The following PLCG2 variants were observed in gnomAD, a reference collection of about 807,000 sequenced individuals.
PLCG2 encodes phospholipase C gamma 2, also known as 1-phosphatidylinositol 4,5-bisphosphate phosphodiesterase gamma-2.
A neutral mutation model predicts 175.6 loss-of-function variants in PLCG2; 69 were observed. The observed-to-expected ratio is 0.39, with a 90% CI of 0.32 to 0.48. PLCG2 has a LOEUF of 0.48. PLCG2 is among the 20% of genes least tolerant of loss of function. The pLI, the probability that PLCG2 is intolerant of heterozygous loss-of-function variation, is 0.91. For missense variants in PLCG2, 1,798 were observed against 1,650.9 expected (o/e 1.09, Z -1.54); for synonymous variants, 827 against 624.0 (o/e 1.33, Z -4.85).
At position 81,959,615 on chromosome 16, in the gene PLCG2, G is replaced by A. The variant is rs1190658524; in HGVS notation, c.*1617G>A. On this transcript the variant is annotated 3_prime_UTR_variant, in exon 33 of 33. Coordinates refer to ENST00000564138, the MANE Select transcript of PLCG2 (RefSeq NM_002661.5). Reference sequence around the variant, plus strand: ...ACTCCAGTTACTCCTCCAACTGGGAGCTGCTATTTTATTTGGCAGTCAGCA... The same window carrying A: ...ACTCCAGTTACTCCTCCAACTGGGAACTGCTATTTTATTTGGCAGTCAGCA... 5.2e-6 allele frequency: 1 copy of A among 193,614 alleles called. No homozygotes were observed. The highest frequency in any genetic ancestry group is 2.3e-5 in the African/African-American group (1 of 43,116). The allele number at this position is 193,614 out of a possible 1,614,324, so 12.0% of individuals were successfully genotyped here. A position where few individuals can be genotyped will look rare whatever the true frequency, so the allele number is the denominator to read the frequency against.
chr16:81,874,952 T>TTTTGTTTTTTTGTTC (rs770607491), intron 7 of PLCG2, among the ~76,000 whole-genome samples: 1,820 of 111,912 alleles, frequency 0.016, 176 homozygotes, highest in African/African-American at 0.043. Flanking sequence ...CTATGTGTTT[T>TTTTGTTTTTTTGTTC]TTTTTTTTTT....
chr16:81,883,979 G>T (rs577818094), intron 9 of PLCG2, among the ~76,000 whole-genome samples: 1 of 152,218 alleles, frequency 6.6e-6, no homozygotes, highest in Admixed American at 6.5e-5. Flanking sequence ...GGCTGCTGCC[G>T]GCATCTAGCA....
chr16:81,754,541 G>C (rs1486659975), intron 1 of PLCG2, among the ~76,000 whole-genome samples: 1 of 142,506 alleles, frequency 7.0e-6, no homozygotes, highest in Non-Finnish European at 1.5e-5. Flanking sequence ...GTACCAAGCT[G>C]GGTGGTGATC....
intron 2 of PLCG2, among the ~76,000 whole-genome samples, chr16:81,774,004 A>G (rs1910342187): frequency 6.6e-6 from 1 of 151,800 alleles, no homozygotes. Flanking sequence ...TGAATAAATG[A>G]GCTCCACCAG....
chr16:81,937,519 A>C, intron 27 of PLCG2: 1 of 402,982 alleles, frequency 2.5e-6, no homozygotes, highest in Non-Finnish European at 4.4e-6. Flanking sequence ...ACTTTTAGCA[A>C]GTTTGAATCT....
chr16:81,938,768 G>T (rs1469948321), intron 28 of PLCG2, 33 bp from the exon 29 acceptor site: 2 of 1,368,930 alleles, frequency 1.5e-6, no homozygotes, highest in Non-Finnish European at 2.1e-6. Flanking sequence ...CAGGACCCCA[G>T]GGGGGTTCCA....
chr16:81,767,032 C>T (rs1229099239), intron 2 of PLCG2: 2 of 151,980 alleles, frequency 1.3e-5, no homozygotes, highest in Non-Finnish European at 2.9e-5. Flanking sequence ...CCTTGCTAGT[C>T]ACTCGTGCAC....
intron 2 of PLCG2, chr16:81,842,685 G>C: frequency 6.6e-6 from 1 of 152,410 alleles, no homozygotes; most frequent in Admixed American, 6.6e-5. Context: ...GTGGGAGGAC[G>C]TTCCGTGGGT....
Position 81,923,722 on chromosome 16 carries a change from TA to T in PLCG2, c.2417+130del, listed in dbSNP as rs1187942620. On this transcript the variant is annotated intron_variant, in intron 22 of 32. Coordinates refer to ENST00000564138, the MANE Select transcript of PLCG2 (RefSeq NM_002661.5). ...CTGGGCTGGCTTTGACCTCTTGTGT[TA>T]AGTCCCTTCTTAGGAAGGTGGCTTG... is the stretch of plus-strand genomic sequence containing the variant. The T allele has an allele frequency of 2.7e-5, 16 of 585,784 alleles. No individual in the cohort carries two copies. In the Middle Eastern group the frequency reaches 2.7e-3, roughly 99 times the overall value. 36.3% of individuals were successfully genotyped at this position (585,784 alleles called of 1,614,324 possible). A position where few individuals can be genotyped will look rare whatever the true frequency, so the allele number is the denominator to read the frequency against.
At chr16:81,893,232 G>A (rs1006334551) in intron 11 of PLCG2, among the ~76,000 whole-genome samples, 5 of 152,224 alleles carry the variant, frequency 3.3e-5, no homozygotes, top group East Asian at 1.9e-4. Flanking sequence ...TCATTCTTAC[G>A]GCAGTTTTGG....
At chr16:81,859,305 G>A in intron 5 of PLCG2, 142 bp downstream of exon 5, 1 of 606,860 alleles carries the variant, frequency 1.6e-6, no homozygotes, top group Non-Finnish European at 3.0e-6. Flanking sequence ...GCCATGTTGG[G>A]TCCTGGGGTT....
intron 2 of PLCG2, among the ~76,000 whole-genome samples, chr16:81,761,901 G>A (rs1383071016): frequency 6.8e-6 from 1 of 146,574 alleles, no homozygotes; most frequent in African/African-American, 2.5e-5. Flanking sequence ...GTGTGATCTC[G>A]GCTCACTCTA....
At chr16:81,794,757 T>C (rs887520468) in intron 2 of PLCG2, among the ~76,000 whole-genome samples, 1 of 152,252 alleles carries the variant, frequency 6.6e-6, no homozygotes, top group Non-Finnish European at 1.5e-5. Context: ...GATGTCATCA[T>C]TATCATCATC....
chr16:81,751,036 G>A (rs148907178), intron 1 of PLCG2, among the ~76,000 whole-genome samples: 18 of 138,058 alleles, frequency 1.3e-4, no homozygotes, highest in South Asian at 4.6e-4. Flanking sequence ...ACTGGAGTAC[G>A]GTAGTGCAAT....
At position 81,897,048 on chromosome 16, in the gene PLCG2, C is replaced by G. The variant is rs529957300; in HGVS notation, c.1193+1121C>G. Among the ~76,000 whole-genome samples, 17 of 152,328 alleles carry G rather than the reference C, an allele frequency of 1.1e-4. 1 individual carries two copies. The South Asian group carries it at 3.5e-3, about 32-fold the overall frequency. On this transcript the variant is annotated intron_variant, in intron 13 of 32. Transcript: ENST00000564138. ...TGGTCTCTGTTGCAACTATTCAGCC[C>G]TGTTGCTGAAGTGCAAAGCAGCCAT...
intron 2 of PLCG2, among the ~76,000 whole-genome samples, chr16:81,805,183 C>G (rs1418295037): frequency 2.6e-5 from 4 of 152,042 alleles, no homozygotes; most frequent in Non-Finnish European, 4.4e-5. Context: ...GGACCCATAT[C>G]CAAAATAGGC....
intron 3 of PLCG2, among the ~76,000 whole-genome samples, chr16:81,856,983 A>G (rs1906717413): frequency 6.6e-6 from 1 of 152,208 alleles, no homozygotes. Flanking sequence ...GAGTAAACAG[A>G]TTCTTCCCCA....
At position 81,858,417 on chromosome 16, in the gene PLCG2, G is replaced by A. The variant is rs528624799; in HGVS notation, c.431+61G>A. 37 of 1,163,182 alleles carry A rather than the reference G, an allele frequency of 3.2e-5. No individual in the cohort carries two copies. The East Asian group carries it at 8.6e-4, about 27-fold the overall frequency. The allele number at this position is 1,163,182 out of a possible 1,614,324, so 72.1% of individuals were successfully genotyped here. On this transcript the variant is annotated intron_variant, in intron 4 of 32. Transcript: ENST00000564138. ...TGATTCCTTTATTCTGCTGCCTTTA[G>A]CCAACATGGGCTACAGGGGGGAAAA...
intron 2 of PLCG2, among the ~76,000 whole-genome samples, chr16:81,823,425 G>A (rs1156883104): frequency 6.6e-5 from 10 of 152,332 alleles, no homozygotes; most frequent in Non-Finnish European, 1.5e-4. Flanking sequence ...GAGTCCAGGT[G>A]AAGATTGAGT....
Sources: gnomAD v4.1 joint callset for allele counts (sites outside exome capture counted in the v4.1 genomes callset) on GRCh38, gnomAD v4.1.1 for gene constraint, MANE v1.5 for transcripts, NCBI Gene and HGNC (gene_info 2026-07-23, HGNC 2026-07-21) for gene names.